The following PCSK5 variants were observed in gnomAD, a reference collection of about 807,000 sequenced individuals.
PCSK5 encodes the protein proprotein convertase subtilisin/kexin type 5.
PCSK5 carries 129 observed loss-of-function variants against 233.2 expected under a neutral mutation model. That is an observed-to-expected ratio of 0.55 (90% confidence interval 0.48 to 0.64). PCSK5 has a LOEUF of 0.64. Ranked by LOEUF, PCSK5 falls within the 30% of genes least tolerant of loss-of-function variation. PCSK5 has a pLI of 0.00. For missense variants in PCSK5, 2,076 were observed against 2,430.1 expected (o/e 0.85, Z 3.06); for synonymous variants, 825 against 879.2 (o/e 0.94, Z 1.09).
chr9:76,171,485 T>C (rs994515337), intron 13 of PCSK5, among the ~76,000 whole-genome samples: 1 of 152,224 alleles, frequency 6.6e-6, no homozygotes, highest in East Asian at 1.9e-4. Context: ...TGTTCTTTAT[T>C]ACCACCAGAC....
chr9:76,075,918 C>CATA (rs1394674054), intron 7 of PCSK5, among the ~76,000 whole-genome samples: 5 of 152,128 alleles, frequency 3.3e-5, no homozygotes, highest in Non-Finnish European at 7.4e-5. Flanking sequence ...CTATGTAATA[C>CATA]ATAAAAGTTC....
At chr9:76,308,770 A>G (rs1828779164) in intron 29 of PCSK5, 42 bp downstream of exon 29, 2 of 1,311,282 alleles carry the variant, frequency 1.5e-6, no homozygotes, top group Non-Finnish European at 2.2e-6. Flanking sequence ...AGTCAAGCCA[A>G]GTCATTGAAA....
At chr9:76,023,961 A>G in intron 4 of PCSK5, 80 bp downstream of exon 4, 2 of 1,312,806 alleles carry the variant, frequency 1.5e-6, no homozygotes, top group Non-Finnish European at 2.1e-6. Context: ...AAAGGTGGAT[A>G]GCTACTGAAA....
chr9:76,167,502 C>T (rs1162335854), intron 12 of PCSK5, among the ~76,000 whole-genome samples: 1 of 152,076 alleles, frequency 6.6e-6, no homozygotes, highest in Non-Finnish European at 1.5e-5. Flanking sequence ...GGTGATTTTC[C>T]TGTTTATTGC....
chr9:76,329,181 G>A (rs1210563366), intron 33 of PCSK5, among the ~76,000 whole-genome samples: 2 of 151,780 alleles, frequency 1.3e-5, no homozygotes, highest in South Asian at 2.1e-4. Context: ...TACCCAGGCT[G>A]TTGGAGTGCA....
chr9:75,905,198 G>T (rs939205904), intron 1 of PCSK5, among the ~76,000 whole-genome samples: 3 of 152,066 alleles, frequency 2.0e-5, no homozygotes, highest in Admixed American at 2.0e-4. Context: ...TTTTTTGGGA[G>T]GTGATGAAAT....
At chr9:76,146,534 A>G (rs1008157924) in intron 10 of PCSK5, among the ~76,000 whole-genome samples, 2 of 150,662 alleles carry the variant, frequency 1.3e-5, no homozygotes, top group Non-Finnish European at 3.0e-5. Flanking sequence ...GTATGTATAT[A>G]TATATATGTG....
intron 14 of PCSK5, among the ~76,000 whole-genome samples, chr9:76,177,746 C>T (rs142013871): frequency 6.6e-6 from 1 of 152,260 alleles, no homozygotes; most frequent in East Asian, 1.9e-4. Flanking sequence ...AGTTATATAT[C>T]TTTGTGGTTT....
chr9:75,928,927 A>ATATT (rs71499119), intron 1 of PCSK5, among the ~76,000 whole-genome samples: 20,659 of 149,736 alleles, frequency 0.14, 1,680 homozygotes, highest in Non-Finnish European at 0.18. Context: ...AAGGATTCTG[A>ATATT]TATTTATTTA....
intron 28 of PCSK5, among the ~76,000 whole-genome samples, chr9:76,303,038 C>T (rs991133626): frequency 6.0e-5 from 7 of 116,804 alleles, no homozygotes; most frequent in African/African-American, 1.6e-4. Flanking sequence ...ACTATGATCA[C>T]GGTTAAAATT....
At chr9:76,217,093 G>T (rs921186367) in intron 20 of PCSK5, among the ~76,000 whole-genome samples, 2 of 152,126 alleles carry the variant, frequency 1.3e-5, no homozygotes, top group African/African-American at 4.8e-5. Flanking sequence ...AAAGTGCTGG[G>T]GTTACAGGCG....
At chr9:75,941,686 C>T (rs1203627353) in intron 2 of PCSK5, among the ~76,000 whole-genome samples, 4 of 152,182 alleles carry the variant, frequency 2.6e-5, no homozygotes, top group African/African-American at 4.8e-5. Context: ...AGAATGCATA[C>T]ACTCTTGGGA....
intron 20 of PCSK5, among the ~76,000 whole-genome samples, chr9:76,199,929 C>T (rs949160523): frequency 6.6e-6 from 1 of 152,074 alleles, no homozygotes; most frequent in African/African-American, 2.4e-5. Context: ...CCATCTTTAC[C>T]ACCAAATCTC....
intron 30 of PCSK5, among the ~76,000 whole-genome samples, chr9:76,319,537 C>T (rs979717781): frequency 6.6e-6 from 1 of 152,072 alleles, no homozygotes; most frequent in South Asian, 2.1e-4. Context: ...GAGGTGAGCC[C>T]TCTGTCACGC....
chr9:76,068,018 A>T lies in PCSK5; in HGVS notation c.696A>T (p.Gly232=), dbSNP rs774336251. ...AAANNSHCTV[G]IAFNAKIGGV... ...CAAACAATTCGCACTGCACAGTCGG[A>T]ATTGCTTTCAACGCCAAGATCGGAG... The change falls in exon 6 of 38, where the codon GGA becomes GGT. Residue 232 remains glycine, a synonymous_variant. Coordinates refer to ENST00000674117, the MANE Select transcript of PCSK5 (RefSeq NM_001372043.1). The T allele has an allele frequency of 1.2e-6, 2 of 1,613,898 alleles. No individual in the cohort carries two copies. The highest frequency in any genetic ancestry group is 2.2e-5 in the South Asian group (2 of 91,060).
At chr9:76,151,593 G>T (rs2131800163) in intron 10 of PCSK5, among the ~76,000 whole-genome samples, 1 of 152,286 alleles carries the variant, frequency 6.6e-6, no homozygotes, top group South Asian at 2.1e-4. Context: ...CCTGCGATGT[G>T]CTACCTTCGT....
At chr9:75,929,052 C>T (rs1218204812) in intron 1 of PCSK5, among the ~76,000 whole-genome samples, 2 of 152,142 alleles carry the variant, frequency 1.3e-5, no homozygotes, top group African/African-American at 4.8e-5. Context: ...TCTCCTACCT[C>T]AGCCTCCCGA....
rs143875606 is a variant in PCSK5, at chr9:76,033,575, C to G, written c.632+6538C>G. On this transcript the variant is annotated intron_variant, in intron 5 of 37. Transcript: ENST00000674117. ...AGAGGCTTAATGTATACCAAACATG[C>G]AATTGTGGAAAAAAAAAAAATCTGA... is the stretch of plus-strand genomic sequence containing the variant. Among the ~76,000 whole-genome samples, 9 of 151,324 alleles carry G rather than the reference C, an allele frequency of 5.9e-5. No homozygotes were observed. In the East Asian group the frequency reaches 1.7e-3, roughly 29 times the overall value.
chr9:76,318,307 G>A (rs1253939716), intron 30 of PCSK5, among the ~76,000 whole-genome samples: 1 of 152,038 alleles, frequency 6.6e-6, no homozygotes, highest in Non-Finnish European at 1.5e-5. Context: ...CACACACCAG[G>A]GCCTGTCGGA....
Sources: gnomAD v4.1 joint callset for allele counts (sites outside exome capture counted in the v4.1 genomes callset) on GRCh38, gnomAD v4.1.1 for gene constraint, MANE v1.5 for transcripts, NCBI Gene and HGNC (gene_info 2026-07-23, HGNC 2026-07-21) for gene names.